Variants in GALNTL6 observed in about 807,000 individuals in gnomAD.
GALNTL6 encodes polypeptide N-acetylgalactosaminyltransferase like 6.
In GALNTL6, 46 loss-of-function variants were observed where a neutral mutation model predicts 73.7. That is an observed-to-expected ratio of 0.62 (90% CI 0.49 to 0.80). The LOEUF is 0.80. Among genes scored for constraint, GALNTL6 ranks in the 30% least tolerant of loss-of-function variants. The probability of loss-of-function intolerance (pLI) is 0.00; values close to 1 mark genes in which losing one functional copy is unlikely to be tolerated. For synonymous variants in GALNTL6, 259 were observed against 263.7 expected (o/e 0.98, Z 0.17); for missense variants, 604 against 755.0 (o/e 0.80, Z 2.34).
intron 10 of GALNTL6, among the ~76,000 whole-genome samples, chr4:172,992,663 C>T (rs988858827): frequency 3.3e-5 from 5 of 152,096 alleles, no homozygotes; most frequent in Admixed American, 6.5e-5. Context: ...TGGGTAGCAC[C>T]AGCTAATCCA....
intron 5 of GALNTL6, among the ~76,000 whole-genome samples, chr4:172,469,656 G>A (rs1732971480): frequency 6.6e-6 from 1 of 151,830 alleles, no homozygotes; most frequent in Non-Finnish European, 1.5e-5. Flanking sequence ...AAGAAATGTT[G>A]GAAACTTCAG....
chr4:171,932,204 C>T (rs1344961557), intron 2 of GALNTL6, among the ~76,000 whole-genome samples: 1 of 152,130 alleles, frequency 6.6e-6, no homozygotes, highest in Non-Finnish European at 1.5e-5. Flanking sequence ...AAATAGCATA[C>T]ACTCATACTA....
intron 5 of GALNTL6, among the ~76,000 whole-genome samples, chr4:172,518,370 G>A (rs1420311325): frequency 1.3e-5 from 2 of 151,844 alleles, no homozygotes; most frequent in Non-Finnish European, 2.9e-5. Context: ...TAATTCTTAA[G>A]TATATTGTTT....
chr4:172,576,393 C>G (rs1736957202), intron 5 of GALNTL6, among the ~76,000 whole-genome samples: 1 of 152,132 alleles, frequency 6.6e-6, no homozygotes, highest in South Asian at 2.1e-4. Context: ...AAGAATGACT[C>G]AAAAGGCTTC....
chr4:171,958,785 A>G (rs772134751), intron 2 of GALNTL6, among the ~76,000 whole-genome samples: 1 of 152,118 alleles, frequency 6.6e-6, no homozygotes, highest in South Asian at 2.1e-4. Flanking sequence ...TTCTACAGTC[A>G]TTACATAGCC....
chr4:172,376,817 C>A (rs951712860), intron 5 of GALNTL6, among the ~76,000 whole-genome samples: 1 of 152,174 alleles, frequency 6.6e-6, no homozygotes, highest in Admixed American at 6.5e-5. Context: ...AGAATGAAGC[C>A]GCAGACCCTC....
At chr4:172,246,334 A>T (rs1449413684) in intron 3 of GALNTL6, among the ~76,000 whole-genome samples, 1 of 152,186 alleles carries the variant, frequency 6.6e-6, no homozygotes, top group Non-Finnish European at 1.5e-5. Flanking sequence ...TTGGTCATAG[A>T]TAATCATTGG....
chr4:171,967,453 T>TTTTTTTTGTTG (rs1553976674), intron 2 of GALNTL6, among the ~76,000 whole-genome samples: 1 of 141,334 alleles, frequency 7.1e-6, no homozygotes, highest in South Asian at 2.1e-4. Context: ...ATGGGTTTTT[T>TTTTTTTTGTTG]TTTTTTTTTT....
intron 5 of GALNTL6, among the ~76,000 whole-genome samples, chr4:172,635,515 C>A (rs1312649819): frequency 6.6e-6 from 1 of 152,078 alleles, no homozygotes; most frequent in Non-Finnish European, 1.5e-5. Flanking sequence ...CCCCCCTTAA[C>A]CACACCCTTT....
At chr4:172,772,533 A>G (rs1738831795) in intron 5 of GALNTL6, among the ~76,000 whole-genome samples, 1 of 152,214 alleles carries the variant, frequency 6.6e-6, no homozygotes, top group East Asian at 1.9e-4. Flanking sequence ...GGTTTTTTAC[A>G]GGAGCACTGA....
intron 5 of GALNTL6, among the ~76,000 whole-genome samples, chr4:172,383,545 C>T (rs986196176): frequency 6.6e-6 from 1 of 152,046 alleles, no homozygotes; most frequent in Non-Finnish European, 1.5e-5. Flanking sequence ...ATCTGTGAGT[C>T]GTCACGATTT....
intron 5 of GALNTL6, among the ~76,000 whole-genome samples, chr4:172,687,969 A>C (rs1269778906): frequency 1.3e-5 from 2 of 152,200 alleles, no homozygotes; most frequent in African/African-American, 4.8e-5. Flanking sequence ...TTTTCCTTAA[A>C]GTCATTTTGG....
chr4:172,303,234 G>A (rs1390314747), intron 3 of GALNTL6, among the ~76,000 whole-genome samples: 3 of 152,096 alleles, frequency 2.0e-5, no homozygotes, highest in Admixed American at 6.5e-5. Context: ...TCCTGACCTT[G>A]TGATCCACCT....
At chr4:172,896,397 A>G (rs527687802) in intron 8 of GALNTL6, among the ~76,000 whole-genome samples, 25 of 152,300 alleles carry the variant, frequency 1.6e-4, no homozygotes, top group Middle Eastern at 3.4e-3. Flanking sequence ...AAGGACTCTC[A>G]GGTTGATGTG....
At chr4:172,984,732 T>A (rs1269452579) in intron 10 of GALNTL6, among the ~76,000 whole-genome samples, 1 of 152,122 alleles carries the variant, frequency 6.6e-6, no homozygotes, top group African/African-American at 2.4e-5. Context: ...TATCCTCTTA[T>A]AAGAAACCTG....
chr4:172,784,610 A>G (rs1300995371), intron 5 of GALNTL6, among the ~76,000 whole-genome samples: 2 of 152,130 alleles, frequency 1.3e-5, no homozygotes, highest in African/African-American at 4.8e-5. Flanking sequence ...CACAGCCATC[A>G]AATGGAATTA....
chr4:171,982,580 G>C (rs141959173), intron 2 of GALNTL6, among the ~76,000 whole-genome samples: 2 of 152,128 alleles, frequency 1.3e-5, no homozygotes, highest in South Asian at 4.1e-4. Context: ...TTACAAGCAT[G>C]AGCCACCGCG....
intron 2 of GALNTL6, among the ~76,000 whole-genome samples, chr4:171,864,388 G>C (rs1735918301): frequency 2.0e-5 from 3 of 151,816 alleles, no homozygotes; most frequent in Admixed American, 1.3e-4. Context: ...GAGGTATAGT[G>C]ATTAAATTCT....
chr4:172,099,304 C>T (rs779239200), intron 2 of GALNTL6, among the ~76,000 whole-genome samples: 9 of 152,052 alleles, frequency 5.9e-5, no homozygotes, highest in Non-Finnish European at 1.3e-4. Flanking sequence ...TATGAGGGAG[C>T]TTCACAAGGT....
Sources: gnomAD v4.1 joint callset for allele counts (sites outside exome capture counted in the v4.1 genomes callset) on GRCh38, gnomAD v4.1.1 for gene constraint, MANE v1.5 for transcripts, NCBI Gene and HGNC (gene_info 2026-07-23, HGNC 2026-07-21) for gene names.